Variants in UTRN observed in about 807,000 individuals in gnomAD.
UTRN encodes dystrophin-related protein 1.
Under a neutral mutation model 463.9 loss-of-function variants are expected in UTRN, and 283 were observed. The observed-to-expected ratio is 0.61, with a 90% confidence interval of 0.55 to 0.67. UTRN has a LOEUF of 0.67. Among genes scored for constraint, UTRN ranks in the 30% least tolerant of loss-of-function variants. The probability of loss-of-function intolerance (pLI) is 0.00; values close to 1 mark genes in which losing one functional copy is unlikely to be tolerated. For missense variants in UTRN, 3,922 were observed against 4,084.3 expected (o/e 0.96, Z 1.08); for synonymous variants, 1,442 against 1,431.5 (o/e 1.01, Z -0.17).
chr6:144,745,833 A>G (rs1790675976), intron 54 of UTRN, among the ~76,000 whole-genome samples: 1 of 152,074 alleles, frequency 6.6e-6, no homozygotes, highest in Admixed American at 6.6e-5. Context: ...AATGCTTAAG[A>G]TATATTTTTG....
At chr6:144,763,228 A>G (rs1792911554) in intron 58 of UTRN, among the ~76,000 whole-genome samples, 1 of 152,210 alleles carries the variant, frequency 6.6e-6, no homozygotes. Context: ...AAACTTGTCT[A>G]TATCTATAAA....
At chr6:144,418,218 C>CTTTT in intron 3 of UTRN, among the ~76,000 whole-genome samples, 1 of 139,578 alleles carries the variant, frequency 7.2e-6, no homozygotes, top group African/African-American at 2.7e-5. Context: ...ATTTATATTT[C>CTTTT]TTTTTTTTTT....
At chr6:144,736,235 C>T (rs535634323) in intron 54 of UTRN, among the ~76,000 whole-genome samples, 1 of 152,228 alleles carries the variant, frequency 6.6e-6, no homozygotes, top group East Asian at 1.9e-4. Flanking sequence ...AGCATTTGAA[C>T]ATTAGTTATC....
At chr6:144,677,270 C>T (rs1781718299) in intron 51 of UTRN, among the ~76,000 whole-genome samples, 1 of 152,088 alleles carries the variant, frequency 6.6e-6, no homozygotes, top group Non-Finnish European at 1.5e-5. Flanking sequence ...TTTCCTTTCG[C>T]CCTACCCCCC....
chr6:144,377,212 A>C (rs562639099), intron 2 of UTRN, among the ~76,000 whole-genome samples: 3 of 151,884 alleles, frequency 2.0e-5, no homozygotes, highest in Non-Finnish European at 4.4e-5. Context: ...TAATTTTTGT[A>C]TTTCAATAGA....
chr6:144,836,345 G>C lies in UTRN; in HGVS notation c.9869G>C (p.Arg3290Pro), dbSNP rs749292468. 5.6e-6 allele frequency: 9 copies of C among 1,613,964 alleles called. No homozygotes were observed. The Admixed American group carries it at 6.7e-5, about 12-fold the overall frequency. Reference sequence around the variant, plus strand: ...GAGCAGCTGAAGGACCAGCACCTCCGAAGGGGGCTCCCTGTCGGTTCACCG... The same window carrying C: ...GAGCAGCTGAAGGACCAGCACCTCCCAAGGGGGCTCCCTGTCGGTTCACCG... ...EYEQLKDQHL[R>P]RGLPVGSPPE... The change falls in exon 71 of 75, where the codon CGA becomes CCA. Residue 3290 changes from arginine to proline, a missense_variant. Coordinates refer to ENST00000367545, the MANE Select transcript of UTRN (RefSeq NM_007124.3).
intron 2 of UTRN, among the ~76,000 whole-genome samples, chr6:144,347,573 A>T (rs1777690741): frequency 6.6e-6 from 1 of 152,186 alleles, no homozygotes; most frequent in South Asian, 2.1e-4. Flanking sequence ...AGAGTGTGCT[A>T]TGTTAGGCTG....
At chr6:144,544,994 C>A (rs1299838909) in intron 46 of UTRN, among the ~76,000 whole-genome samples, 1 of 152,096 alleles carries the variant, frequency 6.6e-6, no homozygotes, top group Non-Finnish European at 1.5e-5. Context: ...ATACTACAAT[C>A]CTCTAAATTC....
At chr6:144,698,558 A>T (rs1304647621) in intron 52 of UTRN, among the ~76,000 whole-genome samples, 1 of 152,228 alleles carries the variant, frequency 6.6e-6, no homozygotes, top group Non-Finnish European at 1.5e-5. Context: ...GTTAAGGCAT[A>T]AGCCCGCATT....
At chr6:144,616,604 A>T (rs2128645302) in intron 51 of UTRN, among the ~76,000 whole-genome samples, 1 of 151,950 alleles carries the variant, frequency 6.6e-6, no homozygotes, top group South Asian at 2.1e-4. Context: ...CACACAATCT[A>T]AAATTAACCA....
intron 2 of UTRN, among the ~76,000 whole-genome samples, chr6:144,304,250 C>T (rs1805522287): frequency 6.6e-6 from 1 of 152,010 alleles, no homozygotes; most frequent in African/African-American, 2.4e-5. Context: ...AAAACAAAAG[C>T]TCTCATTTGT....
chr6:144,450,681 T>C (rs909738694), intron 17 of UTRN, among the ~76,000 whole-genome samples: 9 of 152,264 alleles, frequency 5.9e-5, no homozygotes, highest in African/African-American at 2.4e-5. Flanking sequence ...TCATTACATA[T>C]TGAACAAAAG....
chr6:144,468,143 A>G (rs748699881), intron 23 of UTRN, among the ~76,000 whole-genome samples: 2 of 152,004 alleles, frequency 1.3e-5, no homozygotes, highest in Non-Finnish European at 2.9e-5. Flanking sequence ...GTAGTTGTGT[A>G]CCTTGCAATC....
At chr6:144,503,232 C>T (rs145416796) in intron 34 of UTRN, among the ~76,000 whole-genome samples, 160 of 152,272 alleles carry the variant, frequency 1.1e-3, no homozygotes, top group African/African-American at 3.7e-3. Flanking sequence ...CTTTCTTTTG[C>T]TCTGCAGAAG....
chr6:144,608,619 G>C (rs1232537834), intron 51 of UTRN, among the ~76,000 whole-genome samples: 2 of 152,228 alleles, frequency 1.3e-5, no homozygotes, highest in South Asian at 4.1e-4. Flanking sequence ...CTAGACCCAT[G>C]GTTTCTACAG....
intron 4 of UTRN, among the ~76,000 whole-genome samples, chr6:144,422,260 G>C (rs547258251): frequency 6.6e-6 from 1 of 152,270 alleles, no homozygotes; most frequent in East Asian, 1.9e-4. Flanking sequence ...TTATAGAGAG[G>C]ACACAATGTT....
intron 2 of UTRN, chr6:144,398,704 C>G (rs1584611700): frequency 6.5e-6 from 1 of 154,358 alleles, no homozygotes; most frequent in African/African-American, 2.4e-5. Flanking sequence ...GGCTTCTTCT[C>G]TCAGAAGAAA....
chr6:144,458,618 A>G (rs187508066), intron 19 of UTRN, 152 bp from the exon 20 acceptor site: 2 of 775,404 alleles, frequency 2.6e-6, no homozygotes, highest in African/African-American at 3.6e-5. Context: ...GTGCATCATT[A>G]TAAATTTTTG....
At chr6:144,404,251 A>G (rs1421050442) in intron 3 of UTRN, among the ~76,000 whole-genome samples, 2 of 152,222 alleles carry the variant, frequency 1.3e-5, no homozygotes, top group Admixed American at 6.5e-5. Flanking sequence ...GGTTAAAAAT[A>G]CAGAGAATTA....
Sources: gnomAD v4.1 joint callset for allele counts (sites outside exome capture counted in the v4.1 genomes callset) on GRCh38, gnomAD v4.1.1 for gene constraint, MANE v1.5 for transcripts, NCBI Gene and HGNC (gene_info 2026-07-23, HGNC 2026-07-21) for gene names.